Variants in FBXL22 observed in about 807,000 individuals in gnomAD.
The protein encoded by FBXL22 is F-box and leucine rich repeat protein 22.
In FBXL22, 13 loss-of-function variants were observed where a neutral mutation model predicts 11.7. The ratio of observed to expected loss-of-function variants is 1.11; its 90% confidence interval spans 0.73 to 1.77. The LOEUF is 1.77. Among genes scored for constraint, FBXL22 ranks in the 40% most tolerant of loss-of-function variants. The pLI is 0.00. For synonymous variants in FBXL22, 160 were observed against 144.1 expected (o/e 1.11, Z -0.79); for missense variants, 406 against 320.4 (o/e 1.27, Z -2.04).
At chr15:63,599,396 T>C in intron 1 of FBXL22, 1 of 1,378,086 alleles carries the variant, frequency 7.3e-7, no homozygotes, top group Non-Finnish European at 9.3e-7. Context: ...ACCTTGAAGG[T>C]AACAATTCCT....
chr15:63,597,764 T>C lies in FBXL22; in HGVS notation c.353+19T>C. On this transcript the variant is annotated intron_variant, in intron 1 of 1. Transcript: ENST00000638704. The surrounding 1 kb of genome is among the most constrained non-coding windows in gnomAD (Gnocchi z 4.3). ...GCGACAGGTAGGCCACCTTGCCTCCTGAGCAGTGCTGGCCCCGCTAGCTCT... is the reference window on the plus strand; with the variant it reads ...GCGACAGGTAGGCCACCTTGCCTCCCGAGCAGTGCTGGCCCCGCTAGCTCT... The C allele has an allele frequency of 1.3e-6, 2 of 1,553,708 alleles. No individual in the cohort carries two copies. Among genetic ancestry groups the C allele is most frequent in the Middle Eastern group, 1.7e-4 (1 of 5,806 alleles).
In FBXL22 at chr15:63,601,153, C is replaced by A; in HGVS notation, c.*114C>A. 2 of 1,409,992 alleles carry A rather than the reference C, an allele frequency of 1.4e-6. No individual in the cohort carries two copies. The highest frequency in any genetic ancestry group is 1.5e-5 in the South Asian group (1 of 64,994). 87.3% of individuals were successfully genotyped at this position (1,409,992 alleles called of 1,614,324 possible). A position where few individuals can be genotyped will look rare whatever the true frequency, so the allele number is the denominator to read the frequency against. ...CGCATATTCTGAGCCTCATTTTCCC[C>A]GTCTGCACAGTGGGGATAAGAAAGC... is the stretch of plus-strand genomic sequence containing the variant. On this transcript the variant is annotated 3_prime_UTR_variant, in exon 2 of 2. Transcript: ENST00000638704.
rs779355125 is a variant in FBXL22, at chr15:63,597,510, CACG to C, written c.122_124del (p.Asp41del). On this transcript the variant is annotated inframe_deletion, in exon 1 of 2. Transcript: ENST00000638704. This position sits in a 1 kb window ranked among gnomAD's most constrained non-coding sequence, Gnocchi z 4.3. ...CCTTGCCAGGACCTGCTCCCAGCTC[CACG>C]ACGTGTTTGAGGACCCCGCACTCTG... 6.2e-7 allele frequency: 1 copy of C among 1,614,170 alleles called. No individual in the cohort carries two copies. Among genetic ancestry groups the C allele is most frequent in the Non-Finnish European group, 8.5e-7 (1 of 1,180,030 alleles).
At chr15:63,605,082 CAAAA>C (rs2067407051), downstream of FBXL22, among the ~76,000 whole-genome samples, 1 of 151,960 alleles carries the variant, frequency 6.6e-6, no homozygotes, top group Non-Finnish European at 1.5e-5. Context: ...AAGTAAAAAA[CAAAA>C]GAAAAATCCT....
downstream of FBXL22, chr15:63,601,752 C>G: frequency 6.6e-7 from 1 of 1,518,318 alleles, no homozygotes; most frequent in Admixed American, 2.0e-5. Flanking sequence ...GCATAGTTAC[C>G]CATATTTTCT....
At chr15:63,599,202 G>C (rs933242698) in intron 1 of FBXL22, 1 of 1,535,846 alleles carries the variant, frequency 6.5e-7, no homozygotes, top group East Asian at 2.4e-5. Context: ...AGTAGGTACT[G>C]ATGAACGTCT....
downstream of FBXL22, chr15:63,601,569 G>T (rs1390142040): frequency 6.5e-7 from 1 of 1,541,348 alleles, no homozygotes; most frequent in South Asian, 1.2e-5. Flanking sequence ...TGAAGCAGGA[G>T]GAGGGGAAGC....
At chr15:63,602,628 A>G (rs897022208), downstream of FBXL22, among the ~76,000 whole-genome samples, 5 of 151,302 alleles carry the variant, frequency 3.3e-5, no homozygotes, top group African/African-American at 7.3e-5. Context: ...AAGTATTTGG[A>G]AAAAAGTGCA....
intron 1 of FBXL22, chr15:63,599,243 A>AGGTCG: frequency 6.5e-7 from 1 of 1,531,850 alleles, no homozygotes; most frequent in Non-Finnish European, 8.7e-7. Context: ...CACTCAGCTC[A>AGGTCG]GGTCGGGAGG....
chr15:63,597,993 G>C lies in FBXL22; in HGVS notation c.353+248G>C, dbSNP rs1000312275. Among the ~76,000 whole-genome samples, 1 of 152,216 alleles carries C rather than the reference G, an allele frequency of 6.6e-6. No homozygotes were observed. Among genetic ancestry groups the C allele is most frequent in the African/African-American group, 2.4e-5 (1 of 41,456 alleles). On this transcript the variant is annotated intron_variant, in intron 1 of 1. Coordinates refer to ENST00000638704, the MANE Select transcript of FBXL22 (RefSeq NM_001367807.1). This position sits in a 1 kb window ranked among gnomAD's most constrained non-coding sequence, Gnocchi z 4.3. ...GGCTGCTTCATGCAAACACCAAGAA[G>C]TGGGGCCTCCGTACTGGTAGTCATT... is the stretch of plus-strand genomic sequence containing the variant.
chr15:63,601,415 A>G, downstream of FBXL22: 1 of 1,591,816 alleles, frequency 6.3e-7, no homozygotes, highest in Non-Finnish European at 8.6e-7. Context: ...GAGTTCGCCG[A>G]CTTGCGCTCG....
chr15:63,601,036 C>T lies in FBXL22; in HGVS notation c.693C>T (p.Arg231=), dbSNP rs1473500842. The change falls in exon 2 of 2, where the codon CGC becomes CGT. Residue 231 remains arginine, a synonymous_variant. Coordinates refer to ENST00000638704, the MANE Select transcript of FBXL22 (RefSeq NM_001367807.1). ...CGGCCCTCGGCAAGCTGCTGCAGCG[C>T]TAGACGCCGCCCCGCCGCTGCCCCC... ...PAAALGKLLQ[R] is the part of the protein sequence containing the mutation. The T allele has an allele frequency of 3.3e-6, 4 of 1,222,592 alleles. No homozygotes were observed. The African/African-American group carries it at 4.7e-5, about 14-fold the overall frequency. 75.7% of individuals were successfully genotyped at this position (1,222,592 alleles called of 1,614,324 possible).
Position 63,597,857 on chromosome 15 carries a change from T to A in FBXL22, c.353+112T>A. ...AAGATGGCTCCACCTTCGGGGCGCC[T>A]CAAACTAGGCCCAAGGCAGACATCC... On this transcript the variant is annotated intron_variant, in intron 1 of 1. Transcript: ENST00000638704. The surrounding 1 kb of genome is among the most constrained non-coding windows in gnomAD (Gnocchi z 4.3). The A allele has an allele frequency of 9.7e-7, 1 of 1,028,912 alleles. No homozygotes were observed. The highest frequency in any genetic ancestry group is 1.4e-6 in the Non-Finnish European group (1 of 725,824). The allele number at this position is 1,028,912 out of a possible 1,614,324, so 63.7% of individuals were successfully genotyped here.
downstream of FBXL22, chr15:63,601,577 AGCAGGGGCG>A: frequency 6.4e-7 from 1 of 1,567,196 alleles, no homozygotes; most frequent in Non-Finnish European, 8.6e-7. Flanking sequence ...GAGGAGGGGA[AGCAGGGGCG>A]CACGGGCAGA....
At position 63,600,966 on chromosome 15, in the gene FBXL22, C is replaced by T. The variant is rs994041946; in HGVS notation, c.623C>T (p.Ala208Val). Residue 208 changes from alanine to valine, a missense_variant, in exon 2 of 2, where the codon GCC becomes GTC. Ala to Val is a moderately conservative substitution (Grantham distance 64, BLOSUM62 0). Transcript: ENST00000638704. ...CTGGCCCTGCGGGCAGAGCACAGCG[C>T]CGCCATGCTGCCCGACCAGCCCCCG... ...PRLALRAEHS[A>V]AMLPDQPPRP... 31 of 1,193,640 alleles carry T rather than the reference C, an allele frequency of 2.6e-5. No individual in the cohort carries two copies. Among genetic ancestry groups the T allele is most frequent in the Admixed American group, 1.3e-4 (3 of 22,226 alleles). The allele number at this position is 1,193,640 out of a possible 1,614,324, so 73.9% of individuals were successfully genotyped here. A position where few individuals can be genotyped will look rare whatever the true frequency, so the allele number is the denominator to read the frequency against.
intron 1 of FBXL22, chr15:63,599,758 G>T: frequency 1.0e-6 from 1 of 986,312 alleles, no homozygotes; most frequent in Non-Finnish European, 1.2e-6. Context: ...TCTGGCTGCG[G>T]GGAGCCAAGG....
downstream of FBXL22, among the ~76,000 whole-genome samples, chr15:63,604,176 T>C (rs8041548): frequency 0.13 from 19,466 of 152,118 alleles, 1,364 homozygotes; most frequent in Middle Eastern, 0.17. Context: ...CAAGGACAGA[T>C]TGGCCCTCTC....
In FBXL22 at chr15:63,597,926, G is replaced by A. The variant is rs1395271484; in HGVS notation, c.353+181G>A. Among the ~76,000 whole-genome samples, 1 of 152,222 alleles carries A rather than the reference G, an allele frequency of 6.6e-6. No homozygotes were observed. Among genetic ancestry groups the A allele is most frequent in the Non-Finnish European group, 1.5e-5 (1 of 68,046 alleles). On this transcript the variant is annotated intron_variant, in intron 1 of 1. Coordinates refer to ENST00000638704, the MANE Select transcript of FBXL22 (RefSeq NM_001367807.1). This position sits in a 1 kb window ranked among gnomAD's most constrained non-coding sequence, Gnocchi z 4.3. ...TCCCCAGGAGACAATAAAATCATGA[G>A]GGAAACAATTGCTAATCCTCCTCTT...
chr15:63,601,887 AT>A (rs1395986535), downstream of FBXL22: 1 of 709,170 alleles, frequency 1.4e-6, no homozygotes, highest in African/African-American at 1.9e-5. Flanking sequence ...GACAAGCTAG[AT>A]TTTTCACCTG....
Sources: gnomAD v4.1 joint callset for allele counts (sites outside exome capture counted in the v4.1 genomes callset) on GRCh38, gnomAD v4.1.1 for gene constraint, Gnocchi (gnomAD v3.1) non-coding constraint, MANE v1.5 for transcripts, NCBI Gene and HGNC (gene_info 2026-07-23, HGNC 2026-07-21) for gene names.